DRC5: variants seen among roughly 807,000 people sequenced by gnomAD.
DRC5 encodes the protein T-complex-associated testis-expressed protein 1.
chr6:44,281,907 G>A, the DRC5 span, among the ~76,000 whole-genome samples: 1 of 152,186 alleles, frequency 6.6e-6, no homozygotes, highest in Non-Finnish European at 1.5e-5. Context: ...TATATTTAGG[G>A]TTAAATATGC....
At chr6:44,287,091 T>TC in the DRC5 span, 3 of 629,974 alleles carry the variant, frequency 4.8e-6, no homozygotes, top group Non-Finnish European at 5.9e-6. Context: ...GGCCCTGTCC[T>TC]CAGACAGCGC....
the DRC5 span, chr6:44,286,012 A>G: frequency 0.96 from 1,542,751 of 1,614,010 alleles, 740,080 homozygotes; most frequent in East Asian, 0.98. Flanking sequence ...AGAGGCAGTC[A>G]CGGTAGGTGA....
At chr6:44,282,521 C>G in the DRC5 span, 1 of 1,601,126 alleles carries the variant, frequency 6.2e-7, no homozygotes. Flanking sequence ...TGATGCGTGC[C>G]TTGTCATCAT....
chr6:44,295,285 C>T, the DRC5 span, among the ~76,000 whole-genome samples: 1 of 152,182 alleles, frequency 6.6e-6, no homozygotes, highest in East Asian at 1.9e-4. Flanking sequence ...GTGCTGCGCT[C>T]TCAGAGGGGG....
At chr6:44,287,650 C>T in the DRC5 span, 75,297 of 1,614,064 alleles carry the variant, frequency 0.047, 2,616 homozygotes, top group East Asian at 0.2. Context: ...GCGCATCCGA[C>T]GGATATTGGC....
the DRC5 span, among the ~76,000 whole-genome samples, chr6:44,294,551 C>A: frequency 4.6e-5 from 7 of 151,452 alleles, no homozygotes; most frequent in East Asian, 1.4e-3. Flanking sequence ...TCAAGACCAG[C>A]CTGATCAACA....
At chr6:44,282,934 C>G in the DRC5 span, among the ~76,000 whole-genome samples, 1 of 151,200 alleles carries the variant, frequency 6.6e-6, no homozygotes, top group East Asian at 2.0e-4. Context: ...TCCTGAGTAG[C>G]TGAGACTACA....
the DRC5 span, chr6:44,286,497 G>A: frequency 6.2e-7 from 1 of 1,613,894 alleles, no homozygotes; most frequent in Non-Finnish European, 8.5e-7. Flanking sequence ...ACCTTCTGCT[G>A]GTGTTCCGGG....
chr6:44,287,040 G>T, the DRC5 span: 1 of 265,368 alleles, frequency 3.8e-6, no homozygotes, highest in Non-Finnish European at 5.8e-6. Flanking sequence ...CAAGTAAAAT[G>T]AGTGAGACTG....
the DRC5 span, among the ~76,000 whole-genome samples, chr6:44,288,799 G>T: frequency 4.7e-3 from 719 of 152,022 alleles, 6 homozygotes; most frequent in African/African-American, 0.017. Context: ...TTTGAGACCA[G>T]CCTGGCCAAC....
chr6:44,294,090 C>G, the DRC5 span, among the ~76,000 whole-genome samples: 6 of 151,958 alleles, frequency 3.9e-5, no homozygotes, highest in African/African-American at 7.3e-5. Flanking sequence ...TCAAGTGATT[C>G]TCCTGTCTCA....
the DRC5 span, chr6:44,287,081 G>T: frequency 2.0e-6 from 1 of 490,830 alleles, no homozygotes; most frequent in Non-Finnish European, 2.6e-6. Context: ...ATGAAATAAT[G>T]GCCCTGTCCT....
the DRC5 span, chr6:44,287,486 TC>T: frequency 6.6e-7 from 1 of 1,524,100 alleles, no homozygotes. Context: ...CTCCGGACAG[TC>T]CCCACCCACC....
the DRC5 span, among the ~76,000 whole-genome samples, chr6:44,290,255 G>A: frequency 1.3e-5 from 2 of 152,230 alleles, no homozygotes; most frequent in Middle Eastern, 3.4e-3. Context: ...TGTGACCTTG[G>A]CCAAGTTACT....
At chr6:44,282,373 G>C in the DRC5 span, 3 of 1,614,216 alleles carry the variant, frequency 1.9e-6, no homozygotes, top group Non-Finnish European at 2.5e-6. Context: ...GCACGCACCT[G>C]GTTGTTAGCC....
the DRC5 span, among the ~76,000 whole-genome samples, chr6:44,294,804 AAAAG>A: frequency 2.6e-5 from 4 of 151,430 alleles, no homozygotes; most frequent in Non-Finnish European, 2.9e-5. Flanking sequence ...GAAAGAAAGA[AAAAG>A]AAAGGAGGCA....
chr6:44,296,880 C>A, the DRC5 span, among the ~76,000 whole-genome samples: 1 of 9,518 alleles, frequency 1.1e-4, no homozygotes, highest in African/African-American at 1.5e-4. Flanking sequence ...GTAAGTCACT[C>A]CCAAGTTGGG....
At chr6:44,297,472 G>A in the DRC5 span, among the ~76,000 whole-genome samples, 54 of 152,326 alleles carry the variant, frequency 3.5e-4, no homozygotes. Flanking sequence ...GGAGGGCGTG[G>A]GGTCTCCCGT....
the DRC5 span, chr6:44,282,524 G>T: frequency 6.2e-7 from 1 of 1,600,168 alleles, no homozygotes; most frequent in Non-Finnish European, 8.5e-7. Context: ...TGCGTGCCTT[G>T]TCATCATCCA....
Sources: allele counts gnomAD v4.1 joint callset (sites outside exome capture counted in the v4.1 genomes callset), GRCh38; gene constraint gnomAD v4.1.1; transcripts MANE v1.5; gene names NCBI Gene and HGNC (gene_info 2026-07-23, HGNC 2026-07-21).